HIVEP3: variants seen among roughly 807,000 people sequenced by gnomAD.
HIVEP3 encodes the protein transcription factor HIVEP3.
Under a neutral mutation model 152.8 loss-of-function variants are expected in HIVEP3, and 49 were observed. That is an observed-to-expected ratio of 0.32 (90% CI 0.26 to 0.41). The LOEUF (loss-of-function observed/expected upper bound fraction) is 0.41. Ranked by LOEUF, HIVEP3 falls within the 10% of genes least tolerant of loss-of-function variation. The probability of loss-of-function intolerance (pLI) is 1.00; values close to 1 mark genes in which losing one functional copy is unlikely to be tolerated. For missense variants in HIVEP3, 2,790 were observed against 3,103.3 expected (o/e 0.90, Z 2.40); for synonymous variants, 1,269 against 1,289.0 (o/e 0.98, Z 0.33).
At chr1:41,639,302 A>G (rs1260449606) in intron 2 of HIVEP3, among the ~76,000 whole-genome samples, 1 of 152,208 alleles carries the variant, frequency 6.6e-6, no homozygotes, top group African/African-American at 2.4e-5. Context: ...AATTACTGGC[A>G]TGCCTCATTT....
At position 41,507,381 on chromosome 1, in the gene HIVEP3, T is replaced by C. The variant is rs1331244278; in HGVS notation, c.*3070A>G. 3 of 151,398 alleles carry C rather than the reference T, an allele frequency of 2.0e-5. No individual in the cohort carries two copies. The highest frequency in any genetic ancestry group is 1.5e-5 in the Non-Finnish European group (1 of 67,930). 9.4% of individuals were successfully genotyped at this position (151,398 alleles called of 1,614,324 possible). Reference sequence around the variant, plus strand: ...AGGTGCGGGCGGGAGCAGAGAGGAGTGGGGTTACTACCCAGGATGGCCCTG... The same window carrying C: ...AGGTGCGGGCGGGAGCAGAGAGGAGCGGGGTTACTACCCAGGATGGCCCTG... On this transcript the variant is annotated 3_prime_UTR_variant, in exon 9 of 9. Coordinates refer to ENST00000372583, the MANE Select transcript of HIVEP3 (RefSeq NM_024503.5).
intron 1 of HIVEP3, among the ~76,000 whole-genome samples, chr1:42,010,176 T>G (rs539942918): frequency 6.6e-6 from 1 of 152,350 alleles, no homozygotes; most frequent in Admixed American, 6.5e-5. Context: ...ATTACAGGTG[T>G]GAGCCACTGT....
intron 1 of HIVEP3, among the ~76,000 whole-genome samples, chr1:41,974,406 C>T (rs1357724573): frequency 6.6e-6 from 1 of 151,672 alleles, no homozygotes; most frequent in African/African-American, 2.4e-5. Flanking sequence ...TGGCCACTCC[C>T]ATGGTTTCAG....
chr1:41,671,576 T>C (rs1480826456), intron 2 of HIVEP3, among the ~76,000 whole-genome samples: 1 of 152,252 alleles, frequency 6.6e-6, no homozygotes, highest in Admixed American at 6.5e-5. Context: ...CAGAGTCCTA[T>C]AGCTTCCATC....
At chr1:41,572,963 A>G (rs1644272619) in intron 5 of HIVEP3, among the ~76,000 whole-genome samples, 1 of 152,230 alleles carries the variant, frequency 6.6e-6, no homozygotes, top group Non-Finnish European at 1.5e-5. Context: ...CTCTACTCCC[A>G]TGGAGCTAGG....
chr1:42,006,800 C>T (rs936927809), intron 1 of HIVEP3, among the ~76,000 whole-genome samples: 2 of 152,202 alleles, frequency 1.3e-5, no homozygotes, highest in Non-Finnish European at 2.9e-5. Context: ...TTTTTGACCT[C>T]ATGGATCCCT....
At chr1:42,034,183 C>A (rs936205263) in intron 1 of HIVEP3, among the ~76,000 whole-genome samples, 1 of 152,128 alleles carries the variant, frequency 6.6e-6, no homozygotes, top group Non-Finnish European at 1.5e-5. Flanking sequence ...TTAAGTGACA[C>A]AAGAACTGTA....
intron 1 of HIVEP3, among the ~76,000 whole-genome samples, chr1:41,987,398 A>T (rs1645330779): frequency 6.6e-6 from 1 of 152,116 alleles, no homozygotes; most frequent in Non-Finnish European, 1.5e-5. Flanking sequence ...AATAAATAAA[A>T]AAGAAATAGA....
intron 2 of HIVEP3, among the ~76,000 whole-genome samples, chr1:41,678,276 C>T (rs1558172552): frequency 6.6e-6 from 1 of 152,154 alleles, no homozygotes; most frequent in African/African-American, 2.4e-5. Flanking sequence ...GTTGGCCGGC[C>T]CCTCCATTGG....
intron 1 of HIVEP3, among the ~76,000 whole-genome samples, chr1:41,716,488 A>T (rs746692304): frequency 6.6e-6 from 1 of 152,180 alleles, no homozygotes; most frequent in Non-Finnish European, 1.5e-5. Context: ...ATTCCTGAGC[A>T]TCCCCTAGAA....
At chr1:41,808,649 C>T (rs1339262951) in intron 1 of HIVEP3, among the ~76,000 whole-genome samples, 2 of 152,226 alleles carry the variant, frequency 1.3e-5, no homozygotes, top group African/African-American at 4.8e-5. Context: ...TGTTAACTAG[C>T]AATTATAGAA....
chr1:41,870,889 A>C (rs1276505997), intron 1 of HIVEP3, among the ~76,000 whole-genome samples: 1 of 152,214 alleles, frequency 6.6e-6, no homozygotes, highest in Non-Finnish European at 1.5e-5. Flanking sequence ...CAAGCAACTT[A>C]ACCTCTCTGT....
intron 1 of HIVEP3, among the ~76,000 whole-genome samples, chr1:41,991,810 G>A (rs1308051667): frequency 8.0e-6 from 1 of 125,554 alleles, no homozygotes; most frequent in Non-Finnish European, 1.6e-5. Context: ...ATGATCAAGT[G>A]GGCTTCATCC....
At chr1:41,599,928 A>T (rs1351221530) in intron 3 of HIVEP3, among the ~76,000 whole-genome samples, 1 of 152,214 alleles carries the variant, frequency 6.6e-6, no homozygotes, top group Admixed American at 6.5e-5. Context: ...ACGTTTCTCC[A>T]AAGAAGATCT....
chr1:41,783,621 A>C (rs936261451), intron 1 of HIVEP3, among the ~76,000 whole-genome samples: 1 of 152,108 alleles, frequency 6.6e-6, no homozygotes, highest in Non-Finnish European at 1.5e-5. Flanking sequence ...ACAGAGACAC[A>C]CACACTCGCA....
intron 1 of HIVEP3, among the ~76,000 whole-genome samples, chr1:41,984,936 G>A (rs147064528): frequency 1.7e-3 from 256 of 152,054 alleles, no homozygotes; most frequent in Middle Eastern, 6.8e-3. Flanking sequence ...ATTTTCACAG[G>A]TGCTATGTAA....
At chr1:41,736,736 G>C (rs1405816155) in intron 1 of HIVEP3, among the ~76,000 whole-genome samples, 3 of 152,200 alleles carry the variant, frequency 2.0e-5, no homozygotes, top group African/African-American at 7.2e-5. Flanking sequence ...AAGGCACAAG[G>C]ATGATCACAT....
In HIVEP3 at chr1:41,582,002, C is replaced by T. The variant is rs767142923; in HGVS notation, c.2796G>A (p.Pro932=). 1.8e-5 allele frequency: 29 copies of T among 1,614,142 alleles called. No homozygotes were observed. The highest frequency in any genetic ancestry group is 2.2e-5 in the Non-Finnish European group (26 of 1,180,026). ...TCAAAGAGACATTGCTTTCCTGGCT[C>T]GGGCTGCGAGACAGAGGCACAGAGG... is the stretch of plus-strand genomic sequence containing the variant. ...FESSVPLSRS[P]SQESNVSLSG... The change falls in exon 4 of 9, where the codon CCG becomes CCA. Residue 932 remains proline, a synonymous_variant. Coordinates refer to ENST00000372583, the MANE Select transcript of HIVEP3 (RefSeq NM_024503.5). The surrounding 1 kb of genome is among the most constrained non-coding windows in gnomAD (Gnocchi z 4.7).
chr1:42,005,696 A>G (rs903907297), intron 1 of HIVEP3, among the ~76,000 whole-genome samples: 14 of 152,344 alleles, frequency 9.2e-5, no homozygotes, highest in African/African-American at 3.1e-4. Flanking sequence ...CTGGAATTGC[A>G]CTATGAATCA....
Sources: gnomAD v4.1 joint callset for allele counts (sites outside exome capture counted in the v4.1 genomes callset) on GRCh38, gnomAD v4.1.1 for gene constraint, Gnocchi (gnomAD v3.1) non-coding constraint, MANE v1.5 for transcripts, NCBI Gene and HGNC (gene_info 2026-07-23, HGNC 2026-07-21) for gene names.